AKAP19: variants seen among roughly 807,000 people sequenced by gnomAD.
AKAP19 encodes the protein A-kinase anchoring protein 19, also known as small A-kinase anchoring protein.
chr2:190,186,537 C>T, the AKAP19 span, among the ~76,000 whole-genome samples: 1 of 152,108 alleles, frequency 6.6e-6, no homozygotes, highest in Non-Finnish European at 1.5e-5. This position sits in a 1 kb window ranked among gnomAD's most constrained non-coding sequence, Gnocchi z 5.5. Flanking sequence ...CTTTCGGTGA[C>T]CTTCATACTG....
At chr2:189,994,474 C>G in the AKAP19 span, among the ~76,000 whole-genome samples, 1 of 151,878 alleles carries the variant, frequency 6.6e-6, no homozygotes, top group Admixed American at 6.6e-5. Context: ...TTTGCCGTAT[C>G]CCAGAGGTTT....
chr2:190,099,550 T>C, the AKAP19 span, among the ~76,000 whole-genome samples: 2 of 152,136 alleles, frequency 1.3e-5, no homozygotes, highest in Non-Finnish European at 2.9e-5. Context: ...ATAATAATAA[T>C]AAAATTTGAA....
chr2:190,003,776 A>G, the AKAP19 span, among the ~76,000 whole-genome samples: 3,862 of 152,216 alleles, frequency 0.025, 165 homozygotes, highest in East Asian at 0.17. Context: ...CTAAGGTACA[A>G]TAATTGCTTG....
chr2:189,931,505 G>T, the AKAP19 span, among the ~76,000 whole-genome samples: 1 of 152,082 alleles, frequency 6.6e-6, no homozygotes, highest in African/African-American at 2.4e-5. Flanking sequence ...AGGACTACAG[G>T]TACACATCAC....
chr2:190,029,556 G>C, the AKAP19 span, among the ~76,000 whole-genome samples: 1 of 152,188 alleles, frequency 6.6e-6, no homozygotes, highest in Non-Finnish European at 1.5e-5. Flanking sequence ...AATACAGCAT[G>C]TGTGGAATGA....
the AKAP19 span, among the ~76,000 whole-genome samples, chr2:189,965,999 ACTC>A: frequency 1.3e-5 from 2 of 152,112 alleles, no homozygotes; most frequent in East Asian, 1.9e-4. Context: ...ATGGTATACT[ACTC>A]AGCCATAAAA....
chr2:190,151,643 C>T, the AKAP19 span, among the ~76,000 whole-genome samples: 5 of 152,170 alleles, frequency 3.3e-5, no homozygotes, highest in Non-Finnish European at 7.4e-5. Context: ...CATGTCTTTG[C>T]TATTGTGAAT....
the AKAP19 span, among the ~76,000 whole-genome samples, chr2:190,199,368 G>A: frequency 6.6e-6 from 1 of 152,172 alleles, no homozygotes; most frequent in Non-Finnish European, 1.5e-5. Context: ...CTGGAATTTG[G>A]CCCAATGGTT....
the AKAP19 span, among the ~76,000 whole-genome samples, chr2:190,007,846 C>T: frequency 6.6e-6 from 1 of 152,054 alleles, no homozygotes; most frequent in Non-Finnish European, 1.5e-5. Context: ...CCTGTAATCC[C>T]AGCTACTTGG....
chr2:190,175,706 T>C, the AKAP19 span, among the ~76,000 whole-genome samples: 9 of 152,218 alleles, frequency 5.9e-5, no homozygotes, highest in Admixed American at 1.3e-4. Flanking sequence ...TTCAGTGACA[T>C]AATGAGTAAG....
chr2:190,152,189 G>A, the AKAP19 span, among the ~76,000 whole-genome samples: 2 of 152,220 alleles, frequency 1.3e-5, no homozygotes, highest in South Asian at 2.1e-4. Context: ...TTTAATTTAA[G>A]CAAGAAAGGT....
At chr2:190,030,293 C>T in the AKAP19 span, among the ~76,000 whole-genome samples, 13 of 152,156 alleles carry the variant, frequency 8.5e-5, no homozygotes, top group South Asian at 2.1e-4. Context: ...TGTATTATCT[C>T]GGTCTTCTAG....
At chr2:190,129,892 T>C in the AKAP19 span, among the ~76,000 whole-genome samples, 2 of 152,146 alleles carry the variant, frequency 1.3e-5, no homozygotes, top group Admixed American at 1.3e-4. Context: ...GTGCCTCTCC[T>C]CCTTTTAAGA....
the AKAP19 span, among the ~76,000 whole-genome samples, chr2:190,074,756 G>T: frequency 3.9e-5 from 6 of 152,154 alleles, no homozygotes; most frequent in Admixed American, 3.3e-4. Context: ...TAAGTAGATG[G>T]ACTATATAAT....
At chr2:190,062,151 A>G in the AKAP19 span, 14 of 1,548,672 alleles carry the variant, frequency 9.0e-6, no homozygotes, top group African/African-American at 2.7e-5. Context: ...GAGCCTGAAA[A>G]TAGATCTGTT....
the AKAP19 span, among the ~76,000 whole-genome samples, chr2:190,152,578 G>C: frequency 3.9e-5 from 6 of 151,924 alleles, no homozygotes; most frequent in African/African-American, 1.5e-4. Context: ...CACTTTTATT[G>C]CTTTTATTTA....
the AKAP19 span, among the ~76,000 whole-genome samples, chr2:189,927,896 T>C: frequency 0.11 from 16,361 of 152,186 alleles, 1,298 homozygotes; most frequent in African/African-American, 0.2. Flanking sequence ...AGCATAGATA[T>C]AGAACACTAC....
At chr2:189,912,828 C>T in the AKAP19 span, among the ~76,000 whole-genome samples, 1 of 151,894 alleles carries the variant, frequency 6.6e-6, no homozygotes, top group African/African-American at 2.4e-5. Context: ...TGAAAAGTTA[C>T]TTCCTATGTT....
chr2:190,111,658 T>G, the AKAP19 span, among the ~76,000 whole-genome samples: 1 of 151,620 alleles, frequency 6.6e-6, no homozygotes, highest in African/African-American at 2.4e-5. Context: ...ATTAGATAGA[T>G]AGACAGACAG....
Sources: allele counts gnomAD v4.1 joint callset (sites outside exome capture counted in the v4.1 genomes callset), GRCh38; gene constraint gnomAD v4.1.1; non-coding constraint Gnocchi (gnomAD v3.1); transcripts MANE v1.5; gene names NCBI Gene and HGNC (gene_info 2026-07-23, HGNC 2026-07-21).